The following CR1L variants were observed in gnomAD, a reference collection of about 807,000 sequenced individuals.
CR1L encodes complement C3b/C4b receptor 1 like.
CR1L carries 59 observed loss-of-function variants against 62.3 expected under a neutral mutation model. The ratio of observed to expected loss-of-function variants is 0.95; its 90% CI spans 0.77 to 1.18. CR1L has a LOEUF of 1.18. CR1L is among the 50% of genes most tolerant of loss of function. The pLI is 0.00. For synonymous variants in CR1L, 279 were observed against 248.7 expected, an observed-to-expected ratio of 1.12 and a Z score of -1.15; for missense variants, 700 against 702.8, an observed-to-expected ratio of 1.00 and a Z score of 0.04.
intron 5 of CR1L, among the ~76,000 whole-genome samples, chr1:207,697,101 A>G (rs187142674): frequency 3.3e-5 from 5 of 152,308 alleles, no homozygotes; most frequent in Admixed American, 3.3e-4. Flanking sequence ...GCACTCCTTT[A>G]TGGCCTAAAA....
In CR1L at chr1:207,699,281, A is replaced by G; in HGVS notation, c.1228+7A>G. 3 of 1,613,678 alleles carry G rather than the reference A, an allele frequency of 1.9e-6. No individual in the cohort carries two copies. Among genetic ancestry groups the G allele is most frequent in the Non-Finnish European group, 2.5e-6 (3 of 1,179,580 alleles). On this transcript the variant is annotated splice_region_variant and intron_variant, in intron 8 of 11. Transcript: ENST00000508064. ...AGTGTTCCAGTGTGTGAACGTAAGTAATAGGAGTAACATTTCAGGCCAATC... is the reference window on the plus strand; with the variant it reads ...AGTGTTCCAGTGTGTGAACGTAAGTGATAGGAGTAACATTTCAGGCCAATC...
rs937500157 is a variant in CR1L, at chr1:207,673,518, G to A, written c.98-3871G>A. Reference sequence around the variant, plus strand: ...GAAAGTGATGATGTGTTAATTGTGCGTATAGCACAGAATAAATCAGCTTGC... The same window carrying A: ...GAAAGTGATGATGTGTTAATTGTGCATATAGCACAGAATAAATCAGCTTGC... On this transcript the variant is annotated intron_variant, in intron 1 of 11. Transcript: ENST00000508064. Among the ~76,000 whole-genome samples the A allele has an allele frequency of 5.3e-5, 8 of 152,194 alleles. No individual in the cohort carries two copies. In the East Asian group the frequency reaches 9.6e-4, roughly 18 times the overall value.
chr1:207,708,476 A>G (rs1042876428), intron 10 of CR1L, among the ~76,000 whole-genome samples: 5 of 152,228 alleles, frequency 3.3e-5, no homozygotes, highest in African/African-American at 1.2e-4. Flanking sequence ...AATTTATTTT[A>G]AACTAGTCTT....
intron 1 of CR1L, among the ~76,000 whole-genome samples, chr1:207,668,445 G>A (rs986141857): frequency 1.3e-5 from 2 of 151,102 alleles, no homozygotes; most frequent in Non-Finnish European, 2.9e-5. Flanking sequence ...TATGATATCA[G>A]TCATGTGCAA....
intron 8 of CR1L, among the ~76,000 whole-genome samples, chr1:207,699,547 A>G (rs1664160225): frequency 6.6e-6 from 1 of 152,184 alleles, no homozygotes. Flanking sequence ...GATAATGTGA[A>G]GCTTTTACAA....
intron 11 of CR1L, 46 bp from the exon 12 acceptor site, chr1:207,723,572 G>T (rs1296824678): frequency 6.8e-7 from 1 of 1,465,358 alleles, no homozygotes; most frequent in South Asian, 1.2e-5. Flanking sequence ...GTTCAATCAT[G>T]TTGCATGCCA....
rs201242322 is a variant in CR1L at position 207,694,664 on chromosome 1, C to T, written c.775C>T (p.Gln259Ter). 5.6e-6 allele frequency: 9 copies of T among 1,611,874 alleles called. No homozygotes were observed. The highest frequency in any genetic ancestry group is 7.6e-6 in the Non-Finnish European group (9 of 1,179,716). Residue 259 changes from glutamine (Q) to a stop codon, truncating the protein, a stop_gained, in exon 5 of 12, where the codon CAG becomes TAG. Transcript: ENST00000508064. LOFTEE classifies it high-confidence loss of function. The stretch of plus-strand genomic sequence containing the variant: ...AAATGAAGTTGTGGAGTTTAGGTGT[C>T]AGCCTGGCTTTGGCATGAAAGGGCC... Reference protein sequence around the residue: ...SLNEVVEFRCQPGFGMKGPSH... With the variant: ...SLNEVVEFRC
At chr1:207,721,147 C>T (rs997363673) in intron 11 of CR1L, among the ~76,000 whole-genome samples, 8 of 152,162 alleles carry the variant, frequency 5.3e-5, no homozygotes, top group Admixed American at 4.6e-4. Flanking sequence ...TATACAGAAA[C>T]TGTTTAACCT....
intron 10 of CR1L, among the ~76,000 whole-genome samples, chr1:207,716,531 A>T (rs1009622598): frequency 1.1e-4 from 16 of 152,314 alleles, no homozygotes; most frequent in African/African-American, 3.1e-4. Flanking sequence ...GAAAATGTTT[A>T]CTTTAATTTG....
In CR1L at chr1:207,653,769, A is replaced by AGTAAAT. The variant is rs138962059; in HGVS notation, c.97+8444_97+8449dup. 3.9e-3 allele frequency among the ~76,000 whole-genome samples: 589 copies of AGTAAAT among 152,292 alleles called. 2 individuals are homozygous for AGTAAAT. Among genetic ancestry groups the AGTAAAT allele is most frequent in the African/African-American group, 0.013 (552 of 41,552 alleles). ...ATTTAAGTGAAATGTGCTTTTAGAG[A>AGTAAAT]GTAAATGTAATTTTCATAGATTTTC... On this transcript the variant is annotated intron_variant, in intron 1 of 11. Transcript: ENST00000508064.
intron 8 of CR1L, among the ~76,000 whole-genome samples, chr1:207,700,771 G>A (rs1324620535): frequency 1.3e-5 from 2 of 152,198 alleles, no homozygotes; most frequent in Non-Finnish European, 2.9e-5. Flanking sequence ...CCCTTCCTCA[G>A]CACTGTGTCC....
chr1:207,685,046 T>C (rs573037540), intron 4 of CR1L, among the ~76,000 whole-genome samples: 1 of 152,340 alleles, frequency 6.6e-6, no homozygotes, highest in Admixed American at 6.5e-5. Flanking sequence ...CCATCTTATT[T>C]GAAATCTGTA....
intron 11 of CR1L, among the ~76,000 whole-genome samples, chr1:207,719,195 A>T (rs1338465732): frequency 6.8e-6 from 1 of 147,130 alleles, no homozygotes; most frequent in Non-Finnish European, 1.5e-5. Context: ...CCAGCATGGC[A>T]CATGTATACA....
In CR1L at chr1:207,717,493, C is replaced by G. The variant is rs770843528; in HGVS notation, c.1444C>G (p.Leu482Val). The change falls in exon 11 of 12, where the codon CTT becomes GTT. Residue 482 changes from leucine to valine, a missense_variant. Leu to Val is a conservative substitution (Grantham distance 32). Coordinates refer to ENST00000508064, the MANE Select transcript of CR1L (RefSeq NM_175710.2). ...CTTTTGTCCAAATCCTCCAGCTATC[C>G]TTAATGGGAGACACACAGGAACTCC... ...QIFCPNPPAILNGRHTGTPLG... is the reference protein window; with the variant it reads ...QIFCPNPPAIVNGRHTGTPLG... 1.2e-5 allele frequency: 19 copies of G among 1,613,548 alleles called. No individual in the cohort carries two copies. In the African/African-American group the frequency reaches 2.4e-4, roughly 20 times the overall value.
At chr1:207,677,178 C>A (rs565216969) in intron 1 of CR1L, among the ~76,000 whole-genome samples, 4 of 151,740 alleles carry the variant, frequency 2.6e-5, no homozygotes, top group East Asian at 3.9e-4. Flanking sequence ...AAAAATTAGC[C>A]GGATGTGATG....
In CR1L at chr1:207,693,956, C is replaced by T. The variant is rs183666642; in HGVS notation, c.464-397C>T. ...CCTACTGTGTATATTTGTGTCTTCT[C>T]TCTTCCCTTATACTTTATCTTTTGG... is the stretch of plus-strand genomic sequence containing the variant. On this transcript the variant is annotated intron_variant, in intron 4 of 11. Transcript: ENST00000508064. 8.6e-3 allele frequency among the ~76,000 whole-genome samples: 1,312 copies of T among 152,188 alleles called. 19 individuals are homozygous for T. Among genetic ancestry groups the T allele is most frequent in the African/African-American group, 0.024 (1,016 of 41,532 alleles).
At chr1:207,651,771 C>T (rs1242196518) in intron 1 of CR1L, among the ~76,000 whole-genome samples, 1 of 152,140 alleles carries the variant, frequency 6.6e-6, no homozygotes, top group Non-Finnish European at 1.5e-5. Flanking sequence ...CAGGGAGCTT[C>T]TGAGAGAATG....
chr1:207,651,308 G>A (rs984134710), intron 1 of CR1L, among the ~76,000 whole-genome samples: 24 of 151,934 alleles, frequency 1.6e-4, no homozygotes, highest in African/African-American at 4.1e-4. Context: ...CTCTGAAAAC[G>A]TATTGCCAAT....
intron 1 of CR1L, among the ~76,000 whole-genome samples, chr1:207,673,103 A>T (rs568570767): frequency 6.6e-6 from 1 of 152,308 alleles, no homozygotes; most frequent in Admixed American, 6.5e-5. Context: ...AACTGATCAC[A>T]ACTTGATGAA....
Sources: gnomAD v4.1 joint callset for allele counts (sites outside exome capture counted in the v4.1 genomes callset) on GRCh38, gnomAD v4.1.1 for gene constraint, MANE v1.5 for transcripts, NCBI Gene and HGNC (gene_info 2026-07-23, HGNC 2026-07-21) for gene names.